VWA3B: variants seen among roughly 807,000 people sequenced by gnomAD.
VWA3B encodes von Willebrand factor A domain-containing protein 3B.
VWA3B carries 138 observed loss-of-function variants against 158.3 expected under a neutral mutation model. That is an observed-to-expected ratio of 0.87 (90% CI 0.76 to 1.00). The LOEUF (loss-of-function observed/expected upper bound fraction) is 1.00. VWA3B is among the 50% of genes least tolerant of loss of function. The pLI is 0.00. For synonymous variants in VWA3B, 596 were observed against 587.3 expected (o/e 1.01, Z -0.21); for missense variants, 1,555 against 1,565.1 (o/e 0.99, Z 0.11).
chr2:98,140,761 C>A lies in VWA3B; in HGVS notation c.988+6822C>A, dbSNP rs150828675. Reference sequence around the variant, plus strand: ...TCTGTTAATAAGCGTGGATTTTCTTCATGGCCTGTGTCTACCATGAAATAT... The same window carrying A: ...TCTGTTAATAAGCGTGGATTTTCTTAATGGCCTGTGTCTACCATGAAATAT... On this transcript the variant is annotated intron_variant, in intron 7 of 27. Coordinates refer to ENST00000477737, the MANE Select transcript of VWA3B (RefSeq NM_144992.5). Among the ~76,000 whole-genome samples, 77 of 152,316 alleles carry A rather than the reference C, an allele frequency of 5.1e-4. 2 individuals are homozygous for A. The East Asian group carries it at 0.014, about 28-fold the overall frequency.
chr2:98,202,124 A>G (rs1682599352), intron 12 of VWA3B, among the ~76,000 whole-genome samples: 2 of 152,206 alleles, frequency 1.3e-5, no homozygotes, highest in South Asian at 2.1e-4. Context: ...GAATTTACCA[A>G]TGAAACCATC....
intron 19 of VWA3B, among the ~76,000 whole-genome samples, chr2:98,240,771 C>T (rs1686025802): frequency 6.6e-6 from 1 of 152,074 alleles, no homozygotes; most frequent in South Asian, 2.1e-4. Context: ...AAATTTTTTT[C>T]TCTGAGATGT....
intron 12 of VWA3B, chr2:98,206,718 A>G (rs1361812610): frequency 3.1e-6 from 1 of 324,298 alleles, no homozygotes; most frequent in East Asian, 7.3e-5. Context: ...AAAGTTGTGG[A>G]TTTCCTCACT....
At chr2:98,113,573 T>C (rs1043102431) in intron 2 of VWA3B, among the ~76,000 whole-genome samples, 1 of 152,198 alleles carries the variant, frequency 6.6e-6, no homozygotes, top group African/African-American at 2.4e-5. Flanking sequence ...ATAACAGCTT[T>C]ATTGAGCTAT....
chr2:98,293,163 G>A (rs1689600553), intron 23 of VWA3B, among the ~76,000 whole-genome samples: 1 of 152,094 alleles, frequency 6.6e-6, no homozygotes, highest in Non-Finnish European at 1.5e-5. Flanking sequence ...TAATACCATG[G>A]CCATGTGCAA....
chr2:98,249,453 G>C (rs1244290108), intron 19 of VWA3B, among the ~76,000 whole-genome samples: 2 of 152,156 alleles, frequency 1.3e-5, no homozygotes, highest in African/African-American at 4.8e-5. Flanking sequence ...GATGAGGTAA[G>C]CGTCTGTTAC....
At chr2:98,250,066 T>C (rs898688348) in intron 19 of VWA3B, among the ~76,000 whole-genome samples, 2 of 152,000 alleles carry the variant, frequency 1.3e-5, no homozygotes, top group Admixed American at 1.3e-4. Context: ...TGTTTTTTGG[T>C]GTGTGTGTGT....
At chr2:98,225,283 G>A (rs1293181853) in intron 14 of VWA3B, among the ~76,000 whole-genome samples, 2 of 152,166 alleles carry the variant, frequency 1.3e-5, no homozygotes, top group African/African-American at 4.8e-5. Flanking sequence ...CAAGAAATTT[G>A]TAATTGATTG....
chr2:98,291,242 GT>G (rs1220506404), intron 23 of VWA3B: 3 of 152,576 alleles, frequency 2.0e-5, no homozygotes, highest in Non-Finnish European at 4.4e-5. Context: ...GCACACGTGT[GT>G]TGGAGGAAGG....
intron 7 of VWA3B, among the ~76,000 whole-genome samples, chr2:98,137,760 T>C (rs1355583195): frequency 2.6e-5 from 4 of 152,228 alleles, no homozygotes; most frequent in Non-Finnish European, 5.9e-5. Context: ...TCACATTTCT[T>C]ATAATTTACA....
At chr2:98,310,792 C>T (rs1016007400) in intron 26 of VWA3B, among the ~76,000 whole-genome samples, 2 of 152,330 alleles carry the variant, frequency 1.3e-5, no homozygotes, top group East Asian at 3.9e-4. Context: ...CCCAGAAAGG[C>T]TTTTCCCAAT....
intron 9 of VWA3B, among the ~76,000 whole-genome samples, chr2:98,183,329 T>TAAACTA (rs1210818957): frequency 6.6e-6 from 1 of 151,602 alleles, no homozygotes; most frequent in African/African-American, 2.4e-5. Context: ...GGCTGTGAAA[T>TAAACTA]AGGTAGATTA....
intron 9 of VWA3B, among the ~76,000 whole-genome samples, chr2:98,183,160 T>A (rs925450063): frequency 6.6e-6 from 1 of 151,580 alleles, no homozygotes; most frequent in East Asian, 1.9e-4. Context: ...TGGTAAAGAT[T>A]GAGAATTATT....
intron 22 of VWA3B, among the ~76,000 whole-genome samples, chr2:98,288,201 CATTTTGAAT>C (rs1339162352): frequency 6.6e-6 from 1 of 152,090 alleles, no homozygotes; most frequent in Non-Finnish European, 1.5e-5. Flanking sequence ...GTATAATGGA[CATTTTGAAT>C]ATTTTGAATA....
chr2:98,234,101 CCCTGCA>C (rs1460789232), intron 16 of VWA3B, among the ~76,000 whole-genome samples: 2 of 152,204 alleles, frequency 1.3e-5, no homozygotes, highest in East Asian at 3.8e-4. Context: ...CTGCCCTGAA[CCCTGCA>C]ATCTTTGAAT....
intron 13 of VWA3B, among the ~76,000 whole-genome samples, chr2:98,215,760 C>T (rs1049969075): frequency 8.5e-5 from 13 of 152,092 alleles, no homozygotes; most frequent in Non-Finnish European, 1.5e-4. Context: ...TTGTGATCTG[C>T]CCACCTCGGC....
rs533357972 is a variant in VWA3B, at chr2:98,155,578, C to T, written c.989-7273C>T. On this transcript the variant is annotated intron_variant, in intron 7 of 27. Transcript: ENST00000477737. ...CAATTGTTGCAAGTCAATGTGGTAACGTGTTTAAGTTCCCAGCACGGTGGC... is the reference window on the plus strand; with the variant it reads ...CAATTGTTGCAAGTCAATGTGGTAATGTGTTTAAGTTCCCAGCACGGTGGC... Among the ~76,000 whole-genome samples the T allele has an allele frequency of 1.2e-4, 19 of 152,284 alleles. 1 individual carries two copies. The highest frequency in any genetic ancestry group is 3.9e-4 in the Admixed American group (6 of 15,300).
At chr2:98,144,618 G>T (rs1278312285) in intron 7 of VWA3B, among the ~76,000 whole-genome samples, 1 of 150,570 alleles carries the variant, frequency 6.6e-6, no homozygotes, top group African/African-American at 2.5e-5. Flanking sequence ...CCAGGCTGTA[G>T]TGCAGTGGTG....
intron 22 of VWA3B, among the ~76,000 whole-genome samples, chr2:98,273,333 T>A (rs186253856): frequency 2.2e-4 from 33 of 152,366 alleles, no homozygotes; most frequent in Admixed American, 2.0e-3. Context: ...GCAAATCACA[T>A]TTTTTCTTCA....
Sources: allele counts gnomAD v4.1 joint callset (sites outside exome capture counted in the v4.1 genomes callset), GRCh38; gene constraint gnomAD v4.1.1; transcripts MANE v1.5; gene names NCBI Gene and HGNC (gene_info 2026-07-23, HGNC 2026-07-21).